The following NELL1 variants were observed in gnomAD, a reference collection of about 807,000 sequenced individuals.
NELL1 encodes protein kinase C-binding protein NELL1.
In NELL1, 76 loss-of-function variants were observed where a neutral mutation model predicts 107.4. That is an observed-to-expected ratio of 0.71 (90% CI 0.59 to 0.86). The LOEUF (loss-of-function observed/expected upper bound fraction) is 0.86. Among genes scored for constraint, NELL1 ranks in the 40% least tolerant of loss-of-function variants. The probability of loss-of-function intolerance (pLI) is 0.00; values close to 1 mark genes in which losing one functional copy is unlikely to be tolerated. For synonymous variants in NELL1, 353 were observed against 341.2 expected (o/e 1.03, Z -0.38); for missense variants, 1,024 against 1,005.5 (o/e 1.02, Z -0.25).
At chr11:21,071,761 A>G (rs1854021286) in intron 12 of NELL1, among the ~76,000 whole-genome samples, 1 of 152,200 alleles carries the variant, frequency 6.6e-6, no homozygotes, top group Admixed American at 6.6e-5. Flanking sequence ...GCTCGGCTCT[A>G]AGAGGGGAGA....
chr11:20,962,163 C>T (rs1231443422), intron 12 of NELL1, among the ~76,000 whole-genome samples: 2 of 151,710 alleles, frequency 1.3e-5, no homozygotes, highest in African/African-American at 4.8e-5. Context: ...TTTCATCTGC[C>T]CTTTAATACA....
chr11:20,735,526 G>A (rs1855741829), intron 2 of NELL1, among the ~76,000 whole-genome samples: 1 of 152,144 alleles, frequency 6.6e-6, no homozygotes, highest in Non-Finnish European at 1.5e-5. Flanking sequence ...CTGCCCGCAT[G>A]ATTAAATTAC....
rs146584891 is a variant in NELL1, at chr11:21,414,949, T to C, written c.1645+44001T>C. 4.0e-4 allele frequency among the ~76,000 whole-genome samples: 61 copies of C among 151,996 alleles called. No homozygotes were observed. In the East Asian group the frequency reaches 9.7e-3, roughly 24 times the overall value. On this transcript the variant is annotated intron_variant, in intron 15 of 19. Transcript: ENST00000357134. ...AACATTAGAATGAGGCATTAAAGAA[T>C]AAAGAGATGCACCCCCCTCCCTCCC...
intron 1 of NELL1, among the ~76,000 whole-genome samples, chr11:20,672,456 G>A (rs1293423548): frequency 6.6e-6 from 1 of 152,212 alleles, no homozygotes; most frequent in East Asian, 1.9e-4. Context: ...AGACACAGTT[G>A]CATATGAAAA....
chr11:21,187,313 A>C (rs1442178369), intron 13 of NELL1, among the ~76,000 whole-genome samples: 1 of 151,790 alleles, frequency 6.6e-6, no homozygotes, highest in African/African-American at 2.4e-5. Context: ...TGAAAGTTTG[A>C]AGTTAGATAG....
chr11:21,276,354 C>A (rs1848859362), intron 14 of NELL1, among the ~76,000 whole-genome samples: 1 of 152,126 alleles, frequency 6.6e-6, no homozygotes, highest in African/African-American at 2.4e-5. Context: ...CGTGAAGGAC[C>A]TTTTCCAGGA....
chr11:21,362,465 A>G (rs1285362283), intron 14 of NELL1, among the ~76,000 whole-genome samples: 1 of 152,168 alleles, frequency 6.6e-6, no homozygotes, highest in Non-Finnish European at 1.5e-5. Context: ...GCTTTCTTGA[A>G]TGCTGGTTAT....
intron 11 of NELL1, among the ~76,000 whole-genome samples, chr11:20,949,012 A>G (rs569467678): frequency 6.6e-6 from 1 of 152,228 alleles, no homozygotes; most frequent in South Asian, 2.1e-4. Flanking sequence ...AAGGGTTACA[A>G]AATAAATATT....
chr11:21,573,012 A>G (rs1435759833), intron 18 of NELL1, among the ~76,000 whole-genome samples, 173 bp from the exon 19 acceptor site: 1 of 151,894 alleles, frequency 6.6e-6, no homozygotes, highest in Non-Finnish European at 1.5e-5. Context: ...GCATTCTGAA[A>G]GAAGTGAGAC....
At chr11:20,699,988 G>A (rs1199589511) in intron 2 of NELL1, among the ~76,000 whole-genome samples, 1 of 152,022 alleles carries the variant, frequency 6.6e-6, no homozygotes, top group Admixed American at 6.6e-5. Flanking sequence ...CAGGAGTAAG[G>A]TGGTATCTCA....
intron 12 of NELL1, among the ~76,000 whole-genome samples, chr11:21,032,491 T>A (rs551167615): frequency 6.6e-6 from 1 of 152,264 alleles, no homozygotes; most frequent in African/African-American, 2.4e-5. Context: ...CGGGTTCAAC[T>A]GATTCTCTTG....
chr11:21,361,180 G>A (rs547111182), intron 14 of NELL1, among the ~76,000 whole-genome samples: 42 of 151,236 alleles, frequency 2.8e-4, no homozygotes, highest in African/African-American at 6.8e-4. Flanking sequence ...TTCTCTCAGC[G>A]TTTGTTTGTG....
intron 13 of NELL1, among the ~76,000 whole-genome samples, chr11:21,216,992 T>C (rs1043370193): frequency 6.6e-6 from 1 of 152,138 alleles, no homozygotes; most frequent in Non-Finnish European, 1.5e-5. Flanking sequence ...GTAGTTCCCA[T>C]AATGCCTATG....
chr11:20,902,942 G>T (rs1849910360), intron 5 of NELL1, among the ~76,000 whole-genome samples: 1 of 151,914 alleles, frequency 6.6e-6, no homozygotes, highest in South Asian at 2.1e-4. Context: ...AAAGAAAAAT[G>T]CATAGAAGTG....
intron 3 of NELL1, among the ~76,000 whole-genome samples, chr11:20,805,638 G>A (rs1196447076): frequency 6.6e-6 from 1 of 152,180 alleles, no homozygotes; most frequent in African/African-American, 2.4e-5. Context: ...GAGCAGCTGG[G>A]ACTACAGGTG....
At chr11:21,562,531 G>A (rs1435493892) in intron 17 of NELL1, among the ~76,000 whole-genome samples, 1 of 151,992 alleles carries the variant, frequency 6.6e-6, no homozygotes, top group East Asian at 1.9e-4. Context: ...TCCTAAATCA[G>A]ATTCTGTAAG....
intron 15 of NELL1, among the ~76,000 whole-genome samples, chr11:21,511,978 G>A (rs1307696186): frequency 6.6e-6 from 1 of 152,214 alleles, no homozygotes; most frequent in Non-Finnish European, 1.5e-5. Context: ...GAATGAGCCT[G>A]CCTACTTGAG....
chr11:21,409,341 A>C (rs997639401), intron 15 of NELL1, among the ~76,000 whole-genome samples: 3 of 152,050 alleles, frequency 2.0e-5, no homozygotes, highest in Non-Finnish European at 4.4e-5. Context: ...ACAAAAAACC[A>C]AACACTGCAT....
intron 14 of NELL1, among the ~76,000 whole-genome samples, chr11:21,271,937 T>C (rs114114513): frequency 0.016 from 2,465 of 152,316 alleles, 81 homozygotes; most frequent in African/African-American, 0.056. Flanking sequence ...CCAAGATGGC[T>C]GAATAGGAAC....
Sources: allele counts gnomAD v4.1 joint callset (sites outside exome capture counted in the v4.1 genomes callset), GRCh38; gene constraint gnomAD v4.1.1; transcripts MANE v1.5; gene names NCBI Gene and HGNC (gene_info 2026-07-23, HGNC 2026-07-21).